LINGO2: variants seen among roughly 807,000 people sequenced by gnomAD.
LINGO2 encodes the protein leucine-rich repeat and immunoglobulin-like domain-containing nogo receptor-interacting protein 2.
A neutral mutation model predicts 30.6 loss-of-function variants in LINGO2; 14 were observed. The ratio of observed to expected loss-of-function variants is 0.46; its 90% CI spans 0.30 to 0.72. LINGO2 has a LOEUF of 0.72. Ranked by LOEUF, LINGO2 falls within the 30% of genes least tolerant of loss-of-function variation. The pLI is 0.07. For synonymous variants in LINGO2, 317 were observed against 288.5 expected, an observed-to-expected ratio of 1.10 and a Z score of -1.00; for missense variants, 729 against 751.7, an observed-to-expected ratio of 0.97 and a Z score of 0.35.
At chr9:28,918,407 C>T in the LINGO2 span, among the ~76,000 whole-genome samples, 1 of 152,154 alleles carries the variant, frequency 6.6e-6, no homozygotes, top group Non-Finnish European at 1.5e-5. Flanking sequence ...CAGAGCCAAA[C>T]CATATCACAC....
At chr9:28,433,939 C>A (rs1162608393) in intron 2 of LINGO2, among the ~76,000 whole-genome samples, 7 of 49,996 alleles carry the variant, frequency 1.4e-4, no homozygotes, top group Admixed American at 8.8e-4. Context: ...CTCTCTCTCT[C>A]TCTCTCTCTC....
At chr9:28,606,130 T>G (rs1055838103) in intron 1 of LINGO2, among the ~76,000 whole-genome samples, 1 of 151,970 alleles carries the variant, frequency 6.6e-6, no homozygotes, top group Non-Finnish European at 1.5e-5. Context: ...TTCTCTCAGT[T>G]AAAATAGTGG....
chr9:28,391,236 A>G (rs1821817323), intron 2 of LINGO2, among the ~76,000 whole-genome samples: 1 of 152,248 alleles, frequency 6.6e-6, no homozygotes, highest in African/African-American at 2.4e-5. Context: ...ACTGATTAAG[A>G]TACGGAATAT....
chr9:28,514,720 TAAAG>T (rs1820549445), intron 1 of LINGO2, among the ~76,000 whole-genome samples: 2 of 152,148 alleles, frequency 1.3e-5, no homozygotes, highest in Non-Finnish European at 2.9e-5. Context: ...CAAGTACTGA[TAAAG>T]AAGCTGCAGC....
chr9:28,572,759 A>G (rs1014541981), intron 1 of LINGO2, among the ~76,000 whole-genome samples: 3 of 152,148 alleles, frequency 2.0e-5, no homozygotes, highest in Non-Finnish European at 4.4e-5. Flanking sequence ...CTCCGCGTAT[A>G]TTAGACTCAT....
At chr9:29,055,947 T>TATATATGTGTATATATATATAC in the LINGO2 span, among the ~76,000 whole-genome samples, 2 of 149,186 alleles carry the variant, frequency 1.3e-5, no homozygotes, top group Non-Finnish European at 1.5e-5. Flanking sequence ...TGTGTATATA[T>TATATATGTGTATATATATATAC]ACATATATAT....
intron 4 of LINGO2, among the ~76,000 whole-genome samples, chr9:28,191,206 G>C (rs1340896850): frequency 6.6e-6 from 1 of 152,188 alleles, no homozygotes; most frequent in Non-Finnish European, 1.5e-5. Flanking sequence ...AAACATTTTT[G>C]TGTAAAAATA....
chr9:28,413,811 C>T (rs890050300), intron 2 of LINGO2, among the ~76,000 whole-genome samples: 7 of 151,984 alleles, frequency 4.6e-5, no homozygotes, highest in African/African-American at 7.3e-5. Context: ...TAAATTAATA[C>T]TTGATTATAA....
At chr9:28,490,955 T>A (rs1826371150) in intron 1 of LINGO2, among the ~76,000 whole-genome samples, 1 of 152,104 alleles carries the variant, frequency 6.6e-6, no homozygotes, top group Non-Finnish European at 1.5e-5. Context: ...TGGAAAAAAA[T>A]ACAAATCTTT....
the LINGO2 span, among the ~76,000 whole-genome samples, chr9:29,124,268 G>A: frequency 2.6e-5 from 4 of 151,990 alleles, no homozygotes; most frequent in Admixed American, 1.3e-4. Flanking sequence ...AACTCAAGAT[G>A]GATTAAAGAC....
the LINGO2 span, among the ~76,000 whole-genome samples, chr9:29,116,615 C>G: frequency 3.3e-5 from 5 of 151,224 alleles, no homozygotes; most frequent in African/African-American, 1.2e-4. Flanking sequence ...TGTAGAAGTA[C>G]AGTGAATTTC....
intron 2 of LINGO2, among the ~76,000 whole-genome samples, chr9:28,473,643 T>C (rs1015307514): frequency 6.6e-6 from 1 of 152,132 alleles, no homozygotes; most frequent in Non-Finnish European, 1.5e-5. Flanking sequence ...AAGGTGCCCA[T>C]GTATGACTGC....
At chr9:27,960,024 A>G (rs912039584) in intron 5 of LINGO2, among the ~76,000 whole-genome samples, 2 of 152,148 alleles carry the variant, frequency 1.3e-5, no homozygotes, top group South Asian at 2.1e-4. Context: ...GTATCTAGTA[A>G]TGTTCCTTGT....
intron 5 of LINGO2, among the ~76,000 whole-genome samples, chr9:27,972,450 T>C (rs1412378370): frequency 2.0e-5 from 3 of 152,038 alleles, no homozygotes; most frequent in African/African-American, 7.2e-5. Context: ...TTCTCTGTCC[T>C]CCTAAAAGCC....
Position 28,029,830 on chromosome 9 carries a change from T to G in LINGO2, c.-86-17425A>C, listed in dbSNP as rs376099708. On this transcript the variant is annotated intron_variant, in intron 4 of 5. Coordinates refer to ENST00000379992, the Ensembl canonical transcript of LINGO2. The stretch of plus-strand genomic sequence containing the variant: ...CAAATTCTTCAACTGTTGTATGTAT[T>G]ATTAACTTGCAATTATATAACTTTG... 1.0e-3 allele frequency among the ~76,000 whole-genome samples: 152 copies of G among 152,328 alleles called. 1 individual carries two copies. The highest frequency in any genetic ancestry group is 3.6e-3 in the African/African-American group (149 of 41,574).
At chr9:28,151,456 T>C (rs1203083405) in intron 4 of LINGO2, among the ~76,000 whole-genome samples, 1 of 151,802 alleles carries the variant, frequency 6.6e-6, no homozygotes, top group Non-Finnish European at 1.5e-5. Flanking sequence ...CAATATAAAA[T>C]AATAAAGGTC....
intron 5 of LINGO2, among the ~76,000 whole-genome samples, chr9:27,977,790 GA>G (rs1000528765): frequency 5.6e-4 from 80 of 141,824 alleles, no homozygotes; most frequent in Middle Eastern, 3.6e-3. Context: ...CCAGGGGAAA[GA>G]AAAAAAAAAA....
the LINGO2 span, among the ~76,000 whole-genome samples, chr9:28,943,458 T>C: frequency 6.6e-6 from 1 of 152,176 alleles, no homozygotes; most frequent in African/African-American, 2.4e-5. Flanking sequence ...GAATATATTG[T>C]AGATTATACA....
At chr9:28,754,016 A>AC in the LINGO2 span, among the ~76,000 whole-genome samples, 84 of 80,274 alleles carry the variant, frequency 1.0e-3, no homozygotes, top group African/African-American at 3.0e-3. Context: ...ACACACACAC[A>AC]AACACACACA....
Sources: gnomAD v4.1 joint callset for allele counts (sites outside exome capture counted in the v4.1 genomes callset) on GRCh38, gnomAD v4.1.1 for gene constraint, MANE v1.5 for transcripts, NCBI Gene and HGNC (gene_info 2026-07-23, HGNC 2026-07-21) for gene names.